PHF20: variants seen among roughly 807,000 people sequenced by gnomAD.
PHF20 encodes glioma-expressed antigen 2.
PHF20 carries 23 observed loss-of-function variants against 113.5 expected under a neutral mutation model. That is an observed-to-expected ratio of 0.20 (90% CI 0.15 to 0.29). The LOEUF (loss-of-function observed/expected upper bound fraction) is 0.29, where lower values mean the gene tolerates loss of function less well. Ranked by LOEUF, PHF20 falls within the 10% of genes least tolerant of loss-of-function variation. The pLI, the probability that PHF20 is intolerant of heterozygous loss-of-function variation, is 1.00. For synonymous variants in PHF20, 434 were observed against 457.3 expected (o/e 0.95, Z 0.65); for missense variants, 943 against 1,219.6 (o/e 0.77, Z 3.38).
At chr20:35,797,090 A>G (rs1413056363) in intron 1 of PHF20, among the ~76,000 whole-genome samples, 1 of 152,084 alleles carries the variant, frequency 6.6e-6, no homozygotes, top group East Asian at 1.9e-4. Flanking sequence ...GATTCAAGCT[A>G]CCTGCCCCTT....
intron 9 of PHF20, among the ~76,000 whole-genome samples, chr20:35,874,890 C>A (rs1600858879): frequency 6.6e-6 from 1 of 151,770 alleles, no homozygotes; most frequent in African/African-American, 2.4e-5. Flanking sequence ...GTTCAAGACT[C>A]GCTATATTGA....
chr20:35,918,717 G>A (rs924689866), intron 13 of PHF20, among the ~76,000 whole-genome samples: 2 of 152,156 alleles, frequency 1.3e-5, no homozygotes, highest in Non-Finnish European at 2.9e-5. Context: ...AGGGGAAAGA[G>A]GTTTGTTATG....
At chr20:35,907,219 A>G (rs1346243269) in intron 10 of PHF20, among the ~76,000 whole-genome samples, 1 of 152,096 alleles carries the variant, frequency 6.6e-6, no homozygotes, top group African/African-American at 2.4e-5. Flanking sequence ...TGCTCTCATA[A>G]ATCAGTGACT....
chr20:35,811,192 G>A (rs111439887), intron 2 of PHF20, among the ~76,000 whole-genome samples: 7,274 of 151,610 alleles, frequency 0.048, 218 homozygotes, highest in African/African-American at 0.089. Context: ...GACTACAGGT[G>A]TGCGTCACCA....
intron 2 of PHF20, among the ~76,000 whole-genome samples, chr20:35,805,354 T>TTTTTTA (rs1555918351): frequency 2.8e-3 from 348 of 125,178 alleles, no homozygotes; most frequent in African/African-American, 9.4e-3. Context: ...CGCCTGATTT[T>TTTTTTA]TTATTATTAT....
At chr20:35,933,980 C>G (rs2055815666) in intron 15 of PHF20, among the ~76,000 whole-genome samples, 1 of 152,238 alleles carries the variant, frequency 6.6e-6, no homozygotes, top group South Asian at 2.1e-4. Flanking sequence ...AACTGTCTCT[C>G]TATGTGATAC....
chr20:35,847,125 A>C (rs565187902), intron 3 of PHF20, among the ~76,000 whole-genome samples: 1 of 152,124 alleles, frequency 6.6e-6, no homozygotes, highest in Non-Finnish European at 1.5e-5. Context: ...CCCATTTTCA[A>C]CACTGCTGCA....
chr20:35,863,446 C>T (rs763124948), intron 6 of PHF20, 46 bp downstream of exon 6: 32 of 1,509,578 alleles, frequency 2.1e-5, no homozygotes, highest in Non-Finnish European at 2.6e-5. Context: ...CCAGAGTATT[C>T]TTCTGTGGCC....
intron 2 of PHF20, among the ~76,000 whole-genome samples, chr20:35,810,731 A>C (rs1379777765): frequency 2.0e-5 from 3 of 152,220 alleles, no homozygotes; most frequent in Admixed American, 6.6e-5. Context: ...CAAAAAACAA[A>C]ACAAAACAAA....
At chr20:35,940,442 G>A (rs947763783) in intron 16 of PHF20, among the ~76,000 whole-genome samples, 1 of 151,996 alleles carries the variant, frequency 6.6e-6, no homozygotes. Flanking sequence ...CACCGAGAAA[G>A]CAGAGGCTCA....
intron 16 of PHF20, 74 bp downstream of exon 16, chr20:35,939,182 T>G: frequency 7.2e-7 from 1 of 1,390,488 alleles, no homozygotes; most frequent in South Asian, 1.4e-5. Context: ...GTTTGAATGC[T>G]CTATGGAAGA....
chr20:35,828,329 A>T (rs542726014), intron 2 of PHF20, among the ~76,000 whole-genome samples: 4 of 152,144 alleles, frequency 2.6e-5, no homozygotes, highest in African/African-American at 7.2e-5. Context: ...CAGCCTCATT[A>T]ATTACTAATA....
intron 1 of PHF20, among the ~76,000 whole-genome samples, chr20:35,794,312 A>G (rs913221904): frequency 2.2e-4 from 34 of 151,870 alleles, no homozygotes; most frequent in Non-Finnish European, 3.4e-4. Context: ...AAAAAAAAAA[A>G]AAAAGAAAAA....
At chr20:35,782,273 C>G (rs949182521) in intron 1 of PHF20, 5 of 122,016 alleles carry the variant, frequency 4.1e-5, no homozygotes, top group African/African-American at 1.2e-4. Flanking sequence ...TTTTTTTTTT[C>G]TTTTTTTCTT....
At chr20:35,902,117 G>A (rs1198516051) in intron 10 of PHF20, among the ~76,000 whole-genome samples, 1 of 152,158 alleles carries the variant, frequency 6.6e-6, no homozygotes, top group African/African-American at 2.4e-5. Flanking sequence ...GTACATTTGT[G>A]TGAGCTCTCT....
At chr20:35,896,891 G>A (rs2054996536) in intron 9 of PHF20, among the ~76,000 whole-genome samples, 1 of 151,458 alleles carries the variant, frequency 6.6e-6, no homozygotes, top group African/African-American at 2.4e-5. Flanking sequence ...TTGTCTTTTA[G>A]GGTCATGCTT....
chr20:35,813,359 G>T (rs1350623760), intron 2 of PHF20, among the ~76,000 whole-genome samples: 1 of 152,150 alleles, frequency 6.6e-6, no homozygotes, highest in Non-Finnish European at 1.5e-5. Context: ...TTAATTTTGT[G>T]CTAAAATTAT....
At chr20:35,919,298 T>C (rs2055465421) in intron 13 of PHF20, among the ~76,000 whole-genome samples, 1 of 151,786 alleles carries the variant, frequency 6.6e-6, no homozygotes, top group African/African-American at 2.4e-5. Flanking sequence ...ATTACAGGCG[T>C]GAGCCACCGC....
At chr20:35,917,297 A>C in intron 12 of PHF20, 187 bp from the exon 13 acceptor site, 4 of 683,096 alleles carry the variant, frequency 5.9e-6, no homozygotes, top group Non-Finnish European at 8.2e-6. Context: ...ACTGCCAGGC[A>C]GCATGCTTCG....
Sources: allele counts gnomAD v4.1 joint callset (sites outside exome capture counted in the v4.1 genomes callset), GRCh38; gene constraint gnomAD v4.1.1; transcripts MANE v1.5; gene names NCBI Gene and HGNC (gene_info 2026-07-23, HGNC 2026-07-21).